Variants in RANBP17 observed in about 807,000 individuals in gnomAD.
RANBP17 encodes the protein ran-binding protein 17.
In RANBP17, 158 loss-of-function variants were observed where a neutral mutation model predicts 141.2. The observed-to-expected ratio is 1.12, with a 90% CI of 0.98 to 1.28. RANBP17 has a LOEUF of 1.28. Ranked by LOEUF, RANBP17 falls within the 50% of genes most tolerant of loss-of-function variation. The pLI, the probability that RANBP17 is intolerant of heterozygous loss-of-function variation, is 0.00. For synonymous variants in RANBP17, 430 were observed against 450.0 expected (o/e 0.96, Z 0.56); for missense variants, 1,438 against 1,290.7 (o/e 1.11, Z -1.75).
intron 14 of RANBP17, among the ~76,000 whole-genome samples, chr5:171,053,925 A>ATT (rs1491125081): frequency 0.012 from 399 of 32,378 alleles, 69 homozygotes; most frequent in Middle Eastern, 0.053. Flanking sequence ...ATATATATAT[A>ATT]ATTGCTGTAT....
At chr5:170,968,603 A>G (rs1372340068) in intron 14 of RANBP17, 7 of 583,958 alleles carry the variant, frequency 1.2e-5, no homozygotes, top group Middle Eastern at 2.7e-4. Context: ...TATGTTTTAC[A>G]TGGATGGTCA....
intron 14 of RANBP17, among the ~76,000 whole-genome samples, chr5:171,064,133 G>T (rs964672240): frequency 1.3e-5 from 2 of 152,222 alleles, no homozygotes; most frequent in African/African-American, 2.4e-5. Flanking sequence ...GCAATGCCTC[G>T]CCCTGCTTCG....
chr5:170,974,094 A>T (rs1390574485), intron 14 of RANBP17, among the ~76,000 whole-genome samples: 1 of 152,140 alleles, frequency 6.6e-6, no homozygotes, highest in Non-Finnish European at 1.5e-5. Context: ...TTAGTCCCCA[A>T]AGTCTTAGTT....
rs955457670 is a variant in RANBP17 at position 171,259,004 on chromosome 5, T to C, written c.2777-6677T>C. ...ACAGGAGACCAATATCCAGAATATA[T>C]AAGGAACTCAATTAATAGGAAAAAA... is the stretch of plus-strand genomic sequence containing the variant. On this transcript the variant is annotated intron_variant, in intron 24 of 27. Coordinates refer to ENST00000523189, the MANE Select transcript of RANBP17 (RefSeq NM_022897.5). Among the ~76,000 whole-genome samples, 34 of 152,174 alleles carry C rather than the reference T, an allele frequency of 2.2e-4. 1 individual carries two copies. Among genetic ancestry groups the C allele is most frequent in the Admixed American group, 2.0e-3 (30 of 15,276 alleles).
At chr5:171,189,856 A>G (rs1014510065) in intron 18 of RANBP17, among the ~76,000 whole-genome samples, 6 of 152,176 alleles carry the variant, frequency 3.9e-5, no homozygotes, top group Non-Finnish European at 7.4e-5. Flanking sequence ...ATAGTTTTCT[A>G]TTGTGTGTTC....
intron 14 of RANBP17, among the ~76,000 whole-genome samples, chr5:171,013,190 T>C (rs1222399062): frequency 1.3e-5 from 2 of 152,142 alleles, no homozygotes; most frequent in African/African-American, 4.8e-5. Flanking sequence ...TTCCCAGAAC[T>C]CAAGGATAAT....
intron 6 of RANBP17, 81 bp downstream of exon 6, chr5:170,909,846 T>C (rs753228258): frequency 6.3e-6 from 5 of 790,834 alleles, no homozygotes; most frequent in South Asian, 4.6e-5. Context: ...AGTTGAATTT[T>C]CCCCCCAGTT....
intron 14 of RANBP17, chr5:170,968,668 A>T: frequency 4.1e-6 from 2 of 484,592 alleles, no homozygotes; most frequent in Non-Finnish European, 8.1e-6. Flanking sequence ...TTGTATTTCA[A>T]GACTGAAAGC....
intron 13 of RANBP17, among the ~76,000 whole-genome samples, chr5:170,960,823 C>T (rs938271935): frequency 2.0e-5 from 3 of 152,240 alleles, no homozygotes; most frequent in African/African-American, 7.2e-5. Context: ...CCATTAGCCT[C>T]ATTTTCTGCC....
At chr5:170,959,974 A>G (rs1362644777) in intron 13 of RANBP17, among the ~76,000 whole-genome samples, 1 of 152,220 alleles carries the variant, frequency 6.6e-6, no homozygotes, top group Admixed American at 6.5e-5. Context: ...ATTCTTCCTC[A>G]CTTCAGTCAG....
intron 12 of RANBP17, among the ~76,000 whole-genome samples, chr5:170,950,088 A>C (rs2127491009): frequency 6.6e-6 from 1 of 152,308 alleles, no homozygotes; most frequent in South Asian, 2.1e-4. Context: ...CCGTATACAA[A>C]AATGAAATCT....
At position 171,296,646 on chromosome 5, in the gene RANBP17, C is replaced by T. The variant is rs138028534; in HGVS notation, c.3170+632C>T. On this transcript the variant is annotated intron_variant, in intron 27 of 27. Coordinates refer to ENST00000523189, the MANE Select transcript of RANBP17 (RefSeq NM_022897.5). Reference sequence around the variant, plus strand: ...AAAACAAATTGGCTGGGCACAGTGGCTCACGCCTGTAATCTCAGCACTTTG... The same window carrying T: ...AAAACAAATTGGCTGGGCACAGTGGTTCACGCCTGTAATCTCAGCACTTTG... 7.6e-3 allele frequency among the ~76,000 whole-genome samples: 1,154 copies of T among 152,348 alleles called. 13 individuals are homozygous for T. The highest frequency in any genetic ancestry group is 0.027 in the African/African-American group (1,110 of 41,584).
chr5:171,136,815 T>C (rs1017908143), intron 14 of RANBP17, among the ~76,000 whole-genome samples: 22 of 152,304 alleles, frequency 1.4e-4, no homozygotes, highest in African/African-American at 4.8e-4. Context: ...TAAATAAAAA[T>C]TCATCATAGA....
intron 24 of RANBP17, among the ~76,000 whole-genome samples, chr5:171,262,776 A>C (rs1766419025): frequency 6.6e-6 from 1 of 152,162 alleles, no homozygotes; most frequent in African/African-American, 2.4e-5. Context: ...TCCATTAACC[A>C]ACCTTTGGAA....
At chr5:170,971,609 T>C (rs1776995008) in intron 14 of RANBP17, among the ~76,000 whole-genome samples, 2 of 152,208 alleles carry the variant, frequency 1.3e-5, no homozygotes, top group African/African-American at 2.4e-5. Context: ...CACTATCTTT[T>C]AGAACTCTGT....
chr5:171,012,596 C>T (rs1386214322), intron 14 of RANBP17, among the ~76,000 whole-genome samples: 1 of 152,082 alleles, frequency 6.6e-6, no homozygotes, highest in Non-Finnish European at 1.5e-5. Context: ...GTTTGCTTCT[C>T]ATAAGTTAAA....
At chr5:171,217,090 T>C (rs1763269372) in intron 21 of RANBP17, among the ~76,000 whole-genome samples, 1 of 152,216 alleles carries the variant, frequency 6.6e-6, no homozygotes, top group Non-Finnish European at 1.5e-5. Flanking sequence ...GTTCCGTCAA[T>C]ACCTAGTTTA....
At chr5:171,062,783 A>T (rs1403795583) in intron 14 of RANBP17, among the ~76,000 whole-genome samples, 1 of 152,170 alleles carries the variant, frequency 6.6e-6, no homozygotes, top group African/African-American at 2.4e-5. Flanking sequence ...TCTCCCCGTC[A>T]CTTTCAGGTA....
At chr5:170,878,890 A>G (rs539884094) in intron 2 of RANBP17, among the ~76,000 whole-genome samples, 3 of 152,160 alleles carry the variant, frequency 2.0e-5, no homozygotes, top group African/African-American at 7.2e-5. Context: ...CTGGGCCAGG[A>G]GACAAAATGG....
Sources: gnomAD v4.1 joint callset for allele counts (sites outside exome capture counted in the v4.1 genomes callset) on GRCh38, gnomAD v4.1.1 for gene constraint, MANE v1.5 for transcripts, NCBI Gene and HGNC (gene_info 2026-07-23, HGNC 2026-07-21) for gene names.